CHST11: variants seen among roughly 807,000 people sequenced by gnomAD.
CHST11 encodes C4S-1.
In CHST11, 9 loss-of-function variants were observed where a neutral mutation model predicts 30.4. The observed-to-expected ratio is 0.30, with a 90% CI of 0.18 to 0.52. The LOEUF (loss-of-function observed/expected upper bound fraction) is 0.52, where lower values mean the gene tolerates loss of function less well. Ranked by LOEUF, CHST11 falls within the 20% of genes least tolerant of loss-of-function variation. The pLI, the probability that CHST11 is intolerant of heterozygous loss-of-function variation, is 0.97. For missense variants in CHST11, 348 were observed against 460.6 expected (o/e 0.76, Z 2.24); for synonymous variants, 152 against 187.8 (o/e 0.81, Z 1.56).
In CHST11 at chr12:104,644,986, TG is replaced by T. The variant is rs1442120906; in HGVS notation, c.204+42996del. On this transcript the variant is annotated intron_variant, in intron 2 of 2. Transcript: ENST00000303694. ...TGTTTTTTGAGACAGAGTCTTGCACTGTCATCCAGGCTGGAGTACAGTGGCA... is the reference window on the plus strand; with the variant it reads ...TGTTTTTTGAGACAGAGTCTTGCACTTCATCCAGGCTGGAGTACAGTGGCA... Among the ~76,000 whole-genome samples, 3 of 152,336 alleles carry T rather than the reference TG, an allele frequency of 2.0e-5. No homozygotes were observed. The East Asian group carries it at 5.8e-4, about 29-fold the overall frequency.
At chr12:104,522,981 G>A (rs780656526) in intron 1 of CHST11, among the ~76,000 whole-genome samples, 9 of 152,154 alleles carry the variant, frequency 5.9e-5, no homozygotes, top group Admixed American at 4.6e-4. Context: ...AGTTTGTTGG[G>A]ATAGGTGGGG....
chr12:104,695,965 C>T (rs931254318), intron 2 of CHST11, among the ~76,000 whole-genome samples: 3 of 152,250 alleles, frequency 2.0e-5, no homozygotes, highest in Admixed American at 6.5e-5. Context: ...TGTGACCCTC[C>T]CACCCCCACT....
chr12:104,549,336 G>A (rs953468222), intron 1 of CHST11, among the ~76,000 whole-genome samples: 3 of 152,148 alleles, frequency 2.0e-5, no homozygotes, highest in Non-Finnish European at 4.4e-5. Context: ...TGGAGTTATT[G>A]CAATTCTGTG....
At position 104,570,560 on chromosome 12, in the gene CHST11, C is replaced by T. The variant is rs114566092; in HGVS notation, c.119-31346C>T. Among the ~76,000 whole-genome samples the T allele has an allele frequency of 4.9e-3, 742 of 152,204 alleles. 6 individuals are homozygous for T. The highest frequency in any genetic ancestry group is 0.017 in the African/African-American group (697 of 41,518). ...CCTTCCTGCAAGAAAATGTGCCAGG[C>T]ATTTAGTATTAGGGATACAGAAGTG... On this transcript the variant is annotated intron_variant, in intron 1 of 2. Coordinates refer to ENST00000303694, the MANE Select transcript of CHST11 (RefSeq NM_018413.6).
intron 1 of CHST11, among the ~76,000 whole-genome samples, chr12:104,537,210 CA>C (rs1397752307): frequency 6.6e-6 from 1 of 152,200 alleles, no homozygotes; most frequent in African/African-American, 2.4e-5. Flanking sequence ...AATCATCCAC[CA>C]ACTTGGGGAG....
At chr12:104,496,402 G>T (rs994284391) in intron 1 of CHST11, among the ~76,000 whole-genome samples, 1 of 152,162 alleles carries the variant, frequency 6.6e-6, no homozygotes, top group Non-Finnish European at 1.5e-5. Context: ...CTAATAATGG[G>T]CCAGAGGCCT....
At chr12:104,606,433 C>G (rs1445110046) in intron 2 of CHST11, among the ~76,000 whole-genome samples, 1 of 152,144 alleles carries the variant, frequency 6.6e-6, no homozygotes, top group African/African-American at 2.4e-5. Context: ...ATGCCAGTGA[C>G]CATTCTACAT....
At chr12:104,497,696 C>T (rs558545654) in intron 1 of CHST11, among the ~76,000 whole-genome samples, 1 of 152,218 alleles carries the variant, frequency 6.6e-6, no homozygotes, top group East Asian at 1.9e-4. Flanking sequence ...ACCTTCTTAC[C>T]GTATGTCCAC....
chr12:104,723,399 C>A (rs2040193788), intron 2 of CHST11, among the ~76,000 whole-genome samples: 1 of 152,268 alleles, frequency 6.6e-6, no homozygotes, highest in African/African-American at 2.4e-5. Context: ...TGCCCCAGGC[C>A]TCTGCCTGCA....
In CHST11 at chr12:104,760,369, C is replaced by G. The variant is rs1468270854; in HGVS notation, c.*2566C>G. 3 of 152,160 alleles carry G rather than the reference C, an allele frequency of 2.0e-5. No homozygotes were observed. Among genetic ancestry groups the G allele is most frequent in the Admixed American group, 6.5e-5 (1 of 15,284 alleles). The allele number at this position is 152,160 out of a possible 1,614,324, so 9.4% of individuals were successfully genotyped here. A position where few individuals can be genotyped will look rare whatever the true frequency, so the allele number is the denominator to read the frequency against. ...CTGGATACTGCCACGGACTACAATT[C>G]TATCCCTCCCAGAGGGAGTGGAGGA... is the stretch of plus-strand genomic sequence containing the variant. On this transcript the variant is annotated 3_prime_UTR_variant, in exon 3 of 3. Coordinates refer to ENST00000303694, the MANE Select transcript of CHST11 (RefSeq NM_018413.6).
intron 1 of CHST11, among the ~76,000 whole-genome samples, chr12:104,457,785 GTTTTTTTT>G (rs35612022): frequency 7.3e-6 from 1 of 137,684 alleles, no homozygotes; most frequent in Non-Finnish European, 1.6e-5. Context: ...AGGGGCGGTA[GTTTTTTTT>G]TTTTTTTTTT....
chr12:104,755,294 C>T (rs1268777310), intron 2 of CHST11, among the ~76,000 whole-genome samples: 3 of 152,210 alleles, frequency 2.0e-5, no homozygotes, highest in Admixed American at 1.3e-4. Context: ...TCAAAGCCAC[C>T]CACAGTCTGG....
intron 2 of CHST11, among the ~76,000 whole-genome samples, chr12:104,714,551 GTGA>G (rs58768319): frequency 4.6e-4 from 70 of 150,936 alleles, no homozygotes; most frequent in East Asian, 1.7e-3. Context: ...TGTGGAGGTG[GTGA>G]TGATGATGAT....
intron 2 of CHST11, among the ~76,000 whole-genome samples, chr12:104,690,108 T>C (rs1366800649): frequency 6.6e-6 from 1 of 152,202 alleles, no homozygotes; most frequent in East Asian, 1.9e-4. Context: ...TTTATTCCCA[T>C]GTAGCCACAG....
At chr12:104,659,319 T>TGAG (rs951446975) in intron 2 of CHST11, among the ~76,000 whole-genome samples, 1 of 152,150 alleles carries the variant, frequency 6.6e-6, no homozygotes, top group Non-Finnish European at 1.5e-5. Flanking sequence ...GAGGATTCCT[T>TGAG]GAGGGGCTGG....
intron 2 of CHST11, among the ~76,000 whole-genome samples, chr12:104,717,569 C>T (rs568176297): frequency 6.6e-6 from 1 of 152,046 alleles, no homozygotes; most frequent in African/African-American, 2.4e-5. Context: ...GTCAGGAGTT[C>T]GAGACCAGCC....
intron 2 of CHST11, among the ~76,000 whole-genome samples, chr12:104,617,305 G>A (rs1235198452): frequency 6.6e-6 from 1 of 152,110 alleles, no homozygotes; most frequent in Non-Finnish European, 1.5e-5. Context: ...TCATAGATTG[G>A]GTTGTTCCTT....
chr12:104,486,819 G>A (rs1417109216), intron 1 of CHST11, among the ~76,000 whole-genome samples: 1 of 152,164 alleles, frequency 6.6e-6, no homozygotes, highest in African/African-American at 2.4e-5. Context: ...TCCCATTGCA[G>A]CTGAACATGA....
intron 1 of CHST11, among the ~76,000 whole-genome samples, chr12:104,537,182 G>A (rs932428461): frequency 6.6e-6 from 1 of 152,228 alleles, no homozygotes; most frequent in African/African-American, 2.4e-5. Flanking sequence ...AAAGTGAAGA[G>A]CTCAAATAAC....
Sources: gnomAD v4.1 joint callset for allele counts (sites outside exome capture counted in the v4.1 genomes callset) on GRCh38, gnomAD v4.1.1 for gene constraint, MANE v1.5 for transcripts, NCBI Gene and HGNC (gene_info 2026-07-23, HGNC 2026-07-21) for gene names.